PRKX: variants seen among roughly 807,000 people sequenced by gnomAD.
The protein encoded by PRKX is protein kinase cAMP-dependent X-linked catalytic subunit, also known as cAMP-dependent protein kinase catalytic subunit PRKX.
Under a neutral mutation model 22.0 loss-of-function variants are expected in PRKX, and 12 were observed. The observed-to-expected ratio is 0.54, with a 90% CI of 0.35 to 0.88. The LOEUF (loss-of-function observed/expected upper bound fraction) is 0.88. Ranked by LOEUF, PRKX falls within the 40% of genes least tolerant of loss-of-function variation. The probability of loss-of-function intolerance (pLI) is 0.01; values close to 1 mark genes in which losing one functional copy is unlikely to be tolerated. For synonymous variants in PRKX, 134 were observed against 137.7 expected (o/e 0.97, Z 0.19); for missense variants, 217 against 308.0 (o/e 0.70, Z 2.21).
chrX:3,678,029 G>A (rs1351950380), intron 1 of PRKX, among the ~76,000 whole-genome samples: 1 of 111,898 alleles, frequency 8.9e-6, no homozygotes, highest in Non-Finnish European at 1.9e-5. Flanking sequence ...ACAGGAAGTG[G>A]GAGAAGGGCT....
At chrX:3,676,900 G>A (rs1478171672) in intron 1 of PRKX, among the ~76,000 whole-genome samples, 2 of 112,104 alleles carry the variant, frequency 1.8e-5, no homozygotes, top group African/African-American at 6.5e-5. Flanking sequence ...CTGCTGTCAT[G>A]TAAGACGTGA....
At chrX:3,632,430 G>C (rs1432656281) in intron 4 of PRKX, among the ~76,000 whole-genome samples, 1 of 110,856 alleles carries the variant, frequency 9.0e-6, no homozygotes, top group Non-Finnish European at 1.9e-5. Flanking sequence ...TGGGGGAGTT[G>C]TATTCCTGTT....
intron 5 of PRKX, among the ~76,000 whole-genome samples, chrX:3,621,782 C>G (rs1273645936): frequency 9.0e-6 from 1 of 111,386 alleles, no homozygotes; most frequent in Non-Finnish European, 1.9e-5. Context: ...TAGGATGAGT[C>G]TCCTAAGTCT....
chrX:3,705,263 G>A (rs1928659029), intron 1 of PRKX, among the ~76,000 whole-genome samples: 1 of 111,536 alleles, frequency 9.0e-6, no homozygotes, highest in African/African-American at 3.3e-5. Flanking sequence ...TATAGTGGAA[G>A]GGGTGAGGGA....
At chrX:3,692,744 G>A (rs1928359164) in intron 1 of PRKX, among the ~76,000 whole-genome samples, 1 of 110,688 alleles carries the variant, frequency 9.0e-6, no homozygotes, top group African/African-American at 3.3e-5. Flanking sequence ...AGCCAGGATG[G>A]TCTCAATCTC....
At chrX:3,662,644 A>G (rs1158891316) in intron 2 of PRKX, among the ~76,000 whole-genome samples, 7 of 102,233 alleles carry the variant, frequency 6.8e-5, no homozygotes, top group Admixed American at 2.1e-4. Flanking sequence ...GCAGTGAACC[A>G]AGATCACACC....
rs191876092 is a variant in PRKX at position 3,615,949 on chromosome X, A to G, written c.874-57T>C. On this transcript the variant is annotated intron_variant, in intron 6 of 8. Transcript: ENST00000262848. ...ACAGAATTTTGACAGGGCAGGAAAG[A>G]AAAATACCCCAAAGAATCTCTACAT... is the stretch of plus-strand genomic sequence containing the variant. 6.4e-4 allele frequency: 627 copies of G among 985,806 alleles called. 3 individuals carry two copies. In the African/African-American group the frequency reaches 0.011, roughly 17 times the overall value. 81.2% of individuals were successfully genotyped at this position (985,806 alleles called of 1,213,427 possible). A position where few individuals can be genotyped will look rare whatever the true frequency, so the allele number is the denominator to read the frequency against.
chrX:3,693,697 G>C (rs1427949290), intron 1 of PRKX, among the ~76,000 whole-genome samples: 2 of 110,384 alleles, frequency 1.8e-5, no homozygotes, highest in Non-Finnish European at 3.8e-5. Flanking sequence ...CAGCACTTTG[G>C]GAGGCTGAGG....
chrX:3,648,606 C>CTGTGTGTG (rs58698248), intron 3 of PRKX, among the ~76,000 whole-genome samples: 3,854 of 71,977 alleles, frequency 0.054, 180 homozygotes, highest in Admixed American at 0.11. Context: ...CTCTCTACTC[C>CTGTGTGTG]TGTGTGTGTG....
At position 3,608,056 on chromosome X, in the gene PRKX, G is replaced by A. The variant is rs1926219627; in HGVS notation, c.*913C>T. ...GCCACCATGCCCGGCTAATTTTTTT[G>A]TATTTTGTAGAGATGAGGTCTCACC... On this transcript the variant is annotated 3_prime_UTR_variant, in exon 9 of 9. Coordinates refer to ENST00000262848, the MANE Select transcript of PRKX (RefSeq NM_005044.5). 1.9e-5 allele frequency: 2 copies of A among 107,495 alleles called. No homozygotes were observed. Among genetic ancestry groups the A allele is most frequent in the Admixed American group, 1.0e-4 (1 of 9,852 alleles). 8.9% of individuals were successfully genotyped at this position (107,495 alleles called of 1,213,427 possible).
chrX:3,700,362 A>G (rs763133112), intron 1 of PRKX, among the ~76,000 whole-genome samples: 1 of 112,317 alleles, frequency 8.9e-6, no homozygotes, highest in East Asian at 2.8e-4. Flanking sequence ...GTTTCTTTGC[A>G]AAGACTGATG....
In PRKX at chrX:3,612,511, G is replaced by A. The variant is rs757025843; in HGVS notation, c.952-186C>T. Among the ~76,000 whole-genome samples, 5 of 111,944 alleles carry A rather than the reference G, an allele frequency of 4.5e-5. No individual in the cohort carries two copies. In the East Asian group the frequency reaches 8.5e-4, roughly 19 times the overall value. On this transcript the variant is annotated intron_variant, in intron 7 of 8. Coordinates refer to ENST00000262848, the MANE Select transcript of PRKX (RefSeq NM_005044.5). ...ATTAAAATATTGTGAATGAGGCTGC[G>A]TGTGGGGACTCACACCTGTAATCCC...
chrX:3,640,604 T>A (rs1311587901), intron 4 of PRKX, among the ~76,000 whole-genome samples: 1 of 111,663 alleles, frequency 9.0e-6, no homozygotes, highest in Non-Finnish European at 1.9e-5. Context: ...GGATGGCACC[T>A]CTCCTGACTT....
At chrX:3,684,642 A>C (rs991345428) in intron 1 of PRKX, among the ~76,000 whole-genome samples, 1 of 111,311 alleles carries the variant, frequency 9.0e-6, no homozygotes, top group Non-Finnish European at 1.9e-5. Flanking sequence ...GGACTTAAAG[A>C]GAACTTTCTT....
At chrX:3,662,756 T>C (rs1280556230) in intron 2 of PRKX, among the ~76,000 whole-genome samples, 2 of 105,521 alleles carry the variant, frequency 1.9e-5, no homozygotes, top group African/African-American at 6.9e-5. Flanking sequence ...CCTGTACTCC[T>C]ATCTACTTGA....
chrX:3,682,931 CG>C (rs1928103528), intron 1 of PRKX, among the ~76,000 whole-genome samples: 1 of 109,264 alleles, frequency 9.2e-6, no homozygotes, highest in African/African-American at 3.3e-5. Flanking sequence ...AACACAATGA[CG>C]GGTGTTCCTG....
chrX:3,675,967 A>G (rs1927945178), intron 1 of PRKX, among the ~76,000 whole-genome samples: 1 of 109,094 alleles, frequency 9.2e-6, no homozygotes, highest in African/African-American at 3.3e-5. Context: ...CTAGCCTTGA[A>G]CTCCTGGGCT....
chrX:3,655,105 T>C (rs1423714054), intron 3 of PRKX, 44 bp downstream of exon 3: 2 of 1,203,753 alleles, frequency 1.7e-6, no homozygotes, highest in Middle Eastern at 2.3e-4. Context: ...ACCTTTCTCA[T>C]TGCCAAGCAG....
chrX:3,690,080 G>C (rs1462396165), intron 1 of PRKX, among the ~76,000 whole-genome samples: 1 of 112,400 alleles, frequency 8.9e-6, no homozygotes, highest in Non-Finnish European at 1.9e-5. Context: ...TATAGAAATT[G>C]TATCTCTATA....
Sources: gnomAD v4.1 joint callset for allele counts (sites outside exome capture counted in the v4.1 genomes callset) on GRCh38, gnomAD v4.1.1 for gene constraint, MANE v1.5 for transcripts, NCBI Gene and HGNC (gene_info 2026-07-23, HGNC 2026-07-21) for gene names.